The following KCNK4 variants were observed in gnomAD, a reference collection of about 807,000 sequenced individuals.
KCNK4 encodes the protein potassium two pore domain channel subfamily K member 4.
Under a neutral mutation model 28.8 loss-of-function variants are expected in KCNK4, and 22 were observed. That is an observed-to-expected ratio of 0.76 (90% CI 0.55 to 1.09). KCNK4 has a LOEUF of 1.09. KCNK4 is among the 50% of genes least tolerant of loss of function. The pLI, the probability that KCNK4 is intolerant of heterozygous loss-of-function variation, is 0.00. For missense variants in KCNK4, 483 were observed against 546.3 expected (o/e 0.88, Z 1.15); for synonymous variants, 263 against 252.9 (o/e 1.04, Z -0.38).
Position 64,297,460 on chromosome 11 carries a change from C to T in KCNK4, c.475-7C>T. ...TCCTGGGTCCTGCCTACTGCCCCAT[C>T]CCGCAGAAGTGGCACGTGCCACCGG... On this transcript the variant is annotated splice_polypyrimidine_tract_variant and splice_region_variant and intron_variant, in intron 4 of 6. Transcript: ENST00000422670. 6.2e-7 allele frequency: 1 copy of T among 1,613,830 alleles called. No homozygotes were observed. Among genetic ancestry groups the T allele is most frequent in the Non-Finnish European group, 8.5e-7 (1 of 1,179,822 alleles).
rs754420092 is a variant in KCNK4 at position 64,293,202 on chromosome 11, A to T, written c.184A>T (p.Ile62Phe). Residue 62 changes from isoleucine to phenylalanine, a missense_variant, in exon 2 of 7, where the codon ATC becomes TTC. Physicochemically the swap from Ile to Phe is conservative, Grantham distance 21 (BLOSUM62 0). Transcript: ENST00000422670. ...CVSDQELGLLIKEVADALGGG... is the reference protein window; with the variant it reads ...CVSDQELGLLFKEVADALGGG... The stretch of plus-strand genomic sequence containing the variant: ...GAGCGACCAGGAGCTGGGCCTCCTC[A>T]TCAAGGTGCGTGGGTGGGCCGCAGC... 2.1e-6 allele frequency: 3 copies of T among 1,462,914 alleles called. No individual in the cohort carries two copies. Among genetic ancestry groups the T allele is most frequent in the Middle Eastern group, 1.8e-4 (1 of 5,662 alleles). The allele number at this position is 1,462,914 out of a possible 1,614,324, so 90.6% of individuals were successfully genotyped here.
At chr11:64,298,325 G>A in intron 6 of KCNK4, 76 bp downstream of exon 6, 1 of 1,567,170 alleles carries the variant, frequency 6.4e-7, no homozygotes, top group South Asian at 1.1e-5. Flanking sequence ...GGGTTGATCA[G>A]GCTGTCTCCT....
At chr11:64,298,361 G>A in intron 6 of KCNK4, 112 bp downstream of exon 6, 1 of 1,332,036 alleles carries the variant, frequency 7.5e-7, no homozygotes, top group Non-Finnish European at 1.0e-6. Flanking sequence ...TCCTGAGGCA[G>A]GGGCTGAGTG....
chr11:64,297,759 C>T (rs1423020498), intron 5 of KCNK4, 106 bp downstream of exon 5: 1 of 1,168,828 alleles, frequency 8.6e-7, no homozygotes, highest in South Asian at 1.5e-5. Context: ...GCTCTAACCC[C>T]TGCATCCATC....
intron 2 of KCNK4, among the ~76,000 whole-genome samples, chr11:64,293,975 C>T (rs918286742): frequency 2.0e-5 from 3 of 152,194 alleles, no homozygotes; most frequent in South Asian, 2.1e-4. Context: ...CTACCTACAC[C>T]GGTTCCCATA....
rs1591228323 is a variant in KCNK4, at chr11:64,296,994, C to A, written c.306C>A (p.Thr102=). 1 of 1,540,472 alleles carries A rather than the reference C, an allele frequency of 6.5e-7. No homozygotes were observed. The highest frequency in any genetic ancestry group is 1.4e-5 in the African/African-American group (1 of 72,530). The change falls in exon 3 of 7, where the codon ACC becomes ACA. Residue 102 remains threonine, a synonymous_variant. Coordinates refer to ENST00000422670, the MANE Select transcript of KCNK4 (RefSeq NM_033310.3). Reference sequence around the variant, plus strand: ...TCTTTTTCTCAGGGACCATCATCACCACCATCGGTGGGGGAGGGGATTGGC... The same window carrying A: ...TCTTTTTCTCAGGGACCATCATCACAACCATCGGTGGGGGAGGGGATTGGC... ...SAFFFSGTII[T]TIGYGNVALR...
At chr11:64,296,184 C>CAA (rs1393787580) in intron 2 of KCNK4, 1 of 152,052 alleles carries the variant, frequency 6.6e-6, no homozygotes, top group Admixed American at 6.6e-5. Flanking sequence ...ATATGATTTA[C>CAA]ACTGCAGCAC....
Position 64,299,735 on chromosome 11 carries a change from T to A in KCNK4, c.*9T>A, listed in dbSNP as rs754160396. The stretch of plus-strand genomic sequence containing the variant: ...AAGGCGTGCCGGTGTAGGGGCAGGA[T>A]CCCTGGCCGGGCCTCTCAAGGGCTT... On this transcript the variant is annotated 3_prime_UTR_variant, in exon 7 of 7. Transcript: ENST00000422670. The A allele has an allele frequency of 1.2e-5, 18 of 1,548,810 alleles. No homozygotes were observed. The highest frequency in any genetic ancestry group is 1.6e-5 in the Non-Finnish European group (18 of 1,151,898).
chr11:64,291,647 A>AG (rs916350821), intron 1 of KCNK4, 81 bp downstream of exon 1: 7 of 151,246 alleles, frequency 4.6e-5, no homozygotes, highest in African/African-American at 9.7e-5. Context: ...CCGCGGGAGG[A>AG]GGGGGGCTTC....
intron 2 of KCNK4, 118 bp downstream of exon 2, chr11:64,293,325 A>G: frequency 3.5e-6 from 4 of 1,144,258 alleles, no homozygotes; most frequent in Non-Finnish European, 4.6e-6. Context: ...GGACGGGTGC[A>G]GTGGGAGGCT....
intron 2 of KCNK4, among the ~76,000 whole-genome samples, chr11:64,293,986 C>T (rs1208242755): frequency 2.0e-5 from 3 of 152,194 alleles, no homozygotes; most frequent in Non-Finnish European, 4.4e-5. Context: ...GGTTCCCATA[C>T]TTTTCTTGGA....
rs774219228 is a variant in KCNK4 at position 64,297,571 on chromosome 11, T to G, written c.579T>G (p.Tyr193Ter). The G allele has an allele frequency of 2.5e-6, 4 of 1,614,190 alleles. No individual in the cohort carries two copies. Among genetic ancestry groups the G allele is most frequent in the Non-Finnish European group, 3.4e-6 (4 of 1,180,022 alleles). Residue 193 changes from tyrosine (Y) to a stop codon, truncating the protein, a stop_gained, in exon 5 of 7, where the codon TAT becomes TAG. Transcript: ENST00000422670. LOFTEE classifies it high-confidence loss of function. Reference protein sequence around the residue: ...FVLTPTFVFCYMEDWSKLEAI... With the variant: ...FVLTPTFVFC Reference sequence around the variant, plus strand: ...TCACGCCCACGTTCGTGTTCTGCTATATGGAGGACTGGAGCAAGCTGGAGG... The same window carrying G: ...TCACGCCCACGTTCGTGTTCTGCTAGATGGAGGACTGGAGCAAGCTGGAGG...
intron 1 of KCNK4, chr11:64,292,167 C>T: frequency 2.2e-6 from 2 of 894,458 alleles, no homozygotes; most frequent in Non-Finnish European, 1.3e-6. Context: ...CGGGATGGAG[C>T]GTGGGCGCGC....
rs2135231599 is a variant in KCNK4 at position 64,297,119 on chromosome 11, G to A, written c.314G>A (p.Gly105Asp). 6.2e-7 allele frequency: 1 copy of A among 1,614,164 alleles called. No homozygotes were observed. Among genetic ancestry groups the A allele is most frequent in the Non-Finnish European group, 8.5e-7 (1 of 1,180,022 alleles). The change falls in exon 4 of 7, where the codon GGC (glycine) becomes GAC (aspartate). Residue 105 changes from glycine to aspartate, a missense_variant and splice_region_variant. Transcript: ENST00000422670. The part of the protein sequence containing the change: ...FFSGTIITTI[G>D]YGNVALRTDA... ...CTTCCTGCATCGCCCCTCTGCCCAGGCTATGGCAATGTGGCCCTGCGCACA... is the reference window on the plus strand; with the variant it reads ...CTTCCTGCATCGCCCCTCTGCCCAGACTATGGCAATGTGGCCCTGCGCACA...
intron 6 of KCNK4, among the ~76,000 whole-genome samples, 158 bp from the exon 7 acceptor site, chr11:64,299,188 G>A (rs1434592675): frequency 1.3e-5 from 2 of 152,082 alleles, no homozygotes; most frequent in Non-Finnish European, 2.9e-5. Flanking sequence ...GGAGCACCCA[G>A]TGGAGGAGCC....
At position 64,299,467 on chromosome 11, in the gene KCNK4, C is replaced by G; in HGVS notation, c.923C>G (p.Pro308Arg). The G allele has an allele frequency of 6.2e-7, 1 of 1,605,522 alleles. No homozygotes were observed. Among genetic ancestry groups the G allele is most frequent in the South Asian group, 1.1e-5 (1 of 90,652 alleles). ...EKEQPLLPPP[P>R]CPAQPLGRPR... ...GAGCAGCCACTGCTGCCTCCACCGC[C>G]CTGTCCAGCGCAGCCGCTGGGCAGG... Residue 308 changes from proline to arginine, a missense_variant, in exon 7 of 7, where the codon CCC (proline) becomes CGC (arginine). Transcript: ENST00000422670.
At chr11:64,292,887 G>A in intron 1 of KCNK4, 55 bp from the exon 2 acceptor site, 1 of 1,425,986 alleles carries the variant, frequency 7.0e-7, no homozygotes, top group Non-Finnish European at 9.1e-7. Context: ...TAGAGGAGGA[G>A]GGTGTGGGTG....
At chr11:64,292,893 G>C in intron 1 of KCNK4, 49 bp from the exon 2 acceptor site, 1 of 1,428,118 alleles carries the variant, frequency 7.0e-7, no homozygotes, top group Non-Finnish European at 9.1e-7. Flanking sequence ...AGGAGGGTGT[G>C]GGTGTCAGGC....
Position 64,297,925 on chromosome 11 carries a change from T to C in KCNK4, c.662-185T>C, listed in dbSNP as rs188871850. Among the ~76,000 whole-genome samples, 4 of 152,346 alleles carry C rather than the reference T, an allele frequency of 2.6e-5. No homozygotes were observed. The East Asian group carries it at 7.7e-4, about 29-fold the overall frequency. ...GGGAGCGCCCCTTCTTGCATGCTTT[T>C]ATCTTGCACACTTTCAACTCATGCA... On this transcript the variant is annotated intron_variant, in intron 5 of 6. Coordinates refer to ENST00000422670, the MANE Select transcript of KCNK4 (RefSeq NM_033310.3).
Sources: gnomAD v4.1 joint callset for allele counts (sites outside exome capture counted in the v4.1 genomes callset) on GRCh38, gnomAD v4.1.1 for gene constraint, MANE v1.5 for transcripts, NCBI Gene and HGNC (gene_info 2026-07-23, HGNC 2026-07-21) for gene names.